Variants in TOX4 observed in about 807,000 individuals in gnomAD.
TOX4 encodes epidermal Langerhans cell protein LCP1.
A neutral mutation model predicts 61.0 loss-of-function variants in TOX4; 12 were observed. The ratio of observed to expected loss-of-function variants is 0.20; its 90% CI spans 0.13 to 0.32. The LOEUF (loss-of-function observed/expected upper bound fraction) is 0.32. Among genes scored for constraint, TOX4 ranks in the 10% least tolerant of loss-of-function variants. The pLI is 1.00. For missense variants in TOX4, 499 were observed against 753.3 expected (o/e 0.66, Z 3.95); for synonymous variants, 268 against 274.8 (o/e 0.98, Z 0.24).
chr14:21,488,439 TTTTA>T, intron 3 of TOX4, 147 bp from the exon 4 acceptor site: 1 of 800,140 alleles, frequency 1.2e-6, no homozygotes, highest in Non-Finnish European at 1.9e-6. Flanking sequence ...AAGCTTATTT[TTTTA>T]TTTTCATTTT....
intron 2 of TOX4, 56 bp downstream of exon 2, chr14:21,477,620 G>A (rs760158952): frequency 1.9e-5 from 31 of 1,594,744 alleles, no homozygotes; most frequent in Admixed American, 6.7e-5. Flanking sequence ...GGTGGGGTAG[G>A]GTAGTGGGGA....
intron 2 of TOX4, among the ~76,000 whole-genome samples, chr14:21,483,383 A>G (rs4982449): frequency 0.17 from 22,313 of 130,362 alleles, 1,745 homozygotes; most frequent in Admixed American, 0.26. Context: ...TCCTGTTCCT[A>G]TAACTTTTTT....
Position 21,498,986 on chromosome 14 carries a change from T to C in TOX4, c.*2380T>C. 5 of 1,365,072 alleles carry C rather than the reference T, an allele frequency of 3.7e-6. No individual in the cohort carries two copies. Among genetic ancestry groups the C allele is most frequent in the East Asian group, 2.3e-5 (1 of 43,692 alleles). 84.6% of individuals were successfully genotyped at this position (1,365,072 alleles called of 1,614,324 possible). On this transcript the variant is annotated 3_prime_UTR_variant, in exon 9 of 9. Transcript: ENST00000448790. ...AAGTTCTGTCCTTAATCATAAATAA[T>C]AGCCCCTTGAGGACTAGCCTGTTCT...
At position 21,497,682 on chromosome 14, in the gene TOX4, T is replaced by A. The variant is rs1236629887; in HGVS notation, c.*1076T>A. The A allele has an allele frequency of 6.6e-6, 1 of 152,048 alleles. No homozygotes were observed. The highest frequency in any genetic ancestry group is 1.5e-5 in the Non-Finnish European group (1 of 68,080). 9.4% of individuals were successfully genotyped at this position (152,048 alleles called of 1,614,324 possible). On this transcript the variant is annotated 3_prime_UTR_variant, in exon 9 of 9. Coordinates refer to ENST00000448790, the MANE Select transcript of TOX4 (RefSeq NM_014828.4). ...AGCTAGGATTACAGGCGCCCGCCAC[T>A]ACGCCCAGCTAATTTGTGGTATTTT...
At chr14:21,484,168 T>G (rs1891156702) in intron 2 of TOX4, among the ~76,000 whole-genome samples, 1 of 152,090 alleles carries the variant, frequency 6.6e-6, no homozygotes, top group Non-Finnish European at 1.5e-5. Context: ...GACCAGATTT[T>G]TTACCATACC....
At chr14:21,482,921 G>T (rs1298441860) in intron 2 of TOX4, among the ~76,000 whole-genome samples, 1 of 151,860 alleles carries the variant, frequency 6.6e-6, no homozygotes, top group Non-Finnish European at 1.5e-5. Flanking sequence ...CTTAAAGGAA[G>T]AAATAAAACA....
At chr14:21,478,183 C>G (rs1345733302) in intron 2 of TOX4, among the ~76,000 whole-genome samples, 1 of 152,226 alleles carries the variant, frequency 6.6e-6, no homozygotes, top group Admixed American at 6.5e-5. Context: ...GGTGATCCAC[C>G]CACCTCGGCC....
intron 2 of TOX4, among the ~76,000 whole-genome samples, chr14:21,481,864 A>C (rs1180253375): frequency 2.0e-5 from 3 of 152,220 alleles, no homozygotes; most frequent in Non-Finnish European, 4.4e-5. Flanking sequence ...GAGGGTCAAG[A>C]ATAGGCAAAA....
At chr14:21,481,777 A>G (rs1891111211) in intron 2 of TOX4, among the ~76,000 whole-genome samples, 2 of 152,246 alleles carry the variant, frequency 1.3e-5, no homozygotes. Flanking sequence ...GCAATTGGAT[A>G]ATCTAAACAA....
In TOX4 at chr14:21,488,709, G is replaced by A. The variant is rs1295324681; in HGVS notation, c.438G>A (p.Gln146=). 10 of 1,614,082 alleles carry A rather than the reference G, an allele frequency of 6.2e-6. No individual in the cohort carries two copies. The highest frequency in any genetic ancestry group is 7.6e-6 in the Non-Finnish European group (9 of 1,180,050). ...ATAGCCAGTTGACCACCATTGATCA[G>A]TCAGAACTGAGTTCCCAGCTGGGTT... ...MGHSQLTTID[Q]SELSSQLGLS... is the part of the protein sequence containing the mutation. The change falls in exon 4 of 9, where the codon CAG becomes CAA. Residue 146 remains glutamine (Q), a synonymous_variant. Coordinates refer to ENST00000448790, the MANE Select transcript of TOX4 (RefSeq NM_014828.4).
chr14:21,491,515 C>T (rs907154895), intron 5 of TOX4, among the ~76,000 whole-genome samples: 1 of 150,352 alleles, frequency 6.7e-6, no homozygotes, highest in Non-Finnish European at 1.5e-5. Context: ...CCCATCACCA[C>T]GCCGGGCTAG....
chr14:21,478,672 G>C (rs148946217), intron 2 of TOX4, among the ~76,000 whole-genome samples: 4 of 152,352 alleles, frequency 2.6e-5, no homozygotes, highest in African/African-American at 9.6e-5. Context: ...ATTTTCAAAA[G>C]TGGTGTGGAC....
In TOX4 at chr14:21,477,580, C is replaced by T. The variant is rs772706321; in HGVS notation, c.75+16C>T. ...AGGGGCCGAGGTGAGCCAGAGCTGCCGACGCCGCGGGGGTAGGGCCTGAGG... is the reference window on the plus strand; with the variant it reads ...AGGGGCCGAGGTGAGCCAGAGCTGCTGACGCCGCGGGGGTAGGGCCTGAGG... On this transcript the variant is annotated intron_variant, in intron 2 of 8. Transcript: ENST00000448790. The T allele has an allele frequency of 6.2e-7, 1 of 1,613,094 alleles. No individual in the cohort carries two copies. Among genetic ancestry groups the T allele is most frequent in the South Asian group, 1.1e-5 (1 of 91,036 alleles).
At position 21,498,499 on chromosome 14, in the gene TOX4, AC is replaced by A. The variant is rs1486230889; in HGVS notation, c.*1894del. The stretch of plus-strand genomic sequence containing the variant: ...ATATGCCAATTCTAAAAAGAGCTTA[AC>A]ATTAGAATAGTATATGGTAGAATTA... On this transcript the variant is annotated 3_prime_UTR_variant, in exon 9 of 9. Coordinates refer to ENST00000448790, the MANE Select transcript of TOX4 (RefSeq NM_014828.4). 27 of 806,428 alleles carry A rather than the reference AC, an allele frequency of 3.3e-5. No homozygotes were observed. The African/African-American group carries it at 4.7e-4, about 14-fold the overall frequency. 50.0% of individuals were successfully genotyped at this position (806,428 alleles called of 1,614,324 possible). A position where few individuals can be genotyped will look rare whatever the true frequency, so the allele number is the denominator to read the frequency against.
chr14:21,484,901 C>T lies in TOX4; in HGVS notation c.76-2550C>T, dbSNP rs1332952699. Among the ~76,000 whole-genome samples the T allele has an allele frequency of 4.7e-5, 5 of 106,514 alleles. 2 individuals carry two copies. The highest frequency in any genetic ancestry group is 1.0e-4 in the Non-Finnish European group (5 of 48,306). The allele number at this position is 106,514 out of a possible 152,430, so 69.9% of individuals were successfully genotyped here. ...CTCGAACTCCTGGCCTCGTGTGATC[C>T]GCCCACCTGGGCCTCCCGAAGTGCT... On this transcript the variant is annotated intron_variant, in intron 2 of 8. Transcript: ENST00000448790.
Position 21,493,184 on chromosome 14 carries a change from G to A in TOX4, c.1568G>A (p.Ser523Asn). Residue 523 changes from serine (S) to asparagine (N), a missense_variant, in exon 7 of 9, where the codon AGC becomes AAC. By Grantham distance (46) the Ser-to-Asn change is conservative. Coordinates refer to ENST00000448790, the MANE Select transcript of TOX4 (RefSeq NM_014828.4). ...ESSPERPMNN[S>N]PEAHTVEAPS... is the part of the protein sequence containing the mutation. Reference sequence around the variant, plus strand: ...AGTCCTGAGCGGCCTATGAACAACAGCCCTGAGGCCCATACAGTGGAGGCA... The same window carrying A: ...AGTCCTGAGCGGCCTATGAACAACAACCCTGAGGCCCATACAGTGGAGGCA... 1.9e-6 allele frequency: 3 copies of A among 1,614,148 alleles called. No individual in the cohort carries two copies. The highest frequency in any genetic ancestry group is 2.5e-6 in the Non-Finnish European group (3 of 1,180,016).
chr14:21,494,262 G>A (rs372193967), intron 7 of TOX4, among the ~76,000 whole-genome samples: 4 of 152,166 alleles, frequency 2.6e-5, no homozygotes, highest in African/African-American at 9.7e-5. Flanking sequence ...TGTGGGGCAG[G>A]GGGTATAGGC....
intron 5 of TOX4, among the ~76,000 whole-genome samples, chr14:21,491,391 A>G (rs12435917): frequency 0.65 from 98,041 of 151,698 alleles, 31,747 homozygotes; most frequent in East Asian, 0.69. Context: ...ACAGAGTCTC[A>G]CTGTGTCGCC....
intron 5 of TOX4, among the ~76,000 whole-genome samples, chr14:21,491,216 G>A (rs996334305): frequency 2.6e-5 from 4 of 152,174 alleles, no homozygotes; most frequent in African/African-American, 9.7e-5. Context: ...ATAGGCTTCA[G>A]CTCTTGAAGG....
Sources: gnomAD v4.1 joint callset for allele counts (sites outside exome capture counted in the v4.1 genomes callset) on GRCh38, gnomAD v4.1.1 for gene constraint, MANE v1.5 for transcripts, NCBI Gene and HGNC (gene_info 2026-07-23, HGNC 2026-07-21) for gene names.